CAMK1D: variants seen among roughly 807,000 people sequenced by gnomAD.
The protein encoded by CAMK1D is calcium/calmodulin dependent protein kinase ID.
Under a neutral mutation model 47.7 loss-of-function variants are expected in CAMK1D, and 9 were observed. The observed-to-expected ratio is 0.19, with a 90% CI of 0.11 to 0.33. The LOEUF is 0.33. Among genes scored for constraint, CAMK1D ranks in the 10% least tolerant of loss-of-function variants. CAMK1D has a pLI of 1.00. For missense variants in CAMK1D, 291 were observed against 488.7 expected (o/e 0.60, Z 3.81); for synonymous variants, 184 against 184.9 (o/e 0.99, Z 0.04).
chr10:12,544,590 C>G (rs1263387798), intron 1 of CAMK1D, among the ~76,000 whole-genome samples: 1 of 152,230 alleles, frequency 6.6e-6, no homozygotes, highest in Non-Finnish European at 1.5e-5. Flanking sequence ...AGGAAGGACT[C>G]AAATAATTTT....
intron 6 of CAMK1D, among the ~76,000 whole-genome samples, chr10:12,802,026 C>T (rs1329078590): frequency 6.6e-6 from 1 of 152,196 alleles, no homozygotes; most frequent in Non-Finnish European, 1.5e-5. Flanking sequence ...TATTCTCCTT[C>T]ATGGCCTTTT....
At chr10:12,472,354 C>T (rs917443164) in intron 1 of CAMK1D, among the ~76,000 whole-genome samples, 1 of 152,030 alleles carries the variant, frequency 6.6e-6, no homozygotes, top group Non-Finnish European at 1.5e-5. Context: ...GTGCCTTGAG[C>T]TTCTTTCCTT....
intron 1 of CAMK1D, among the ~76,000 whole-genome samples, chr10:12,444,771 C>T (rs1832881286): frequency 6.6e-6 from 1 of 152,152 alleles, no homozygotes; most frequent in African/African-American, 2.4e-5. Context: ...GATGTGGAAT[C>T]CATAGAAAGT....
chr10:12,720,523 T>C (rs1324223851), intron 3 of CAMK1D, among the ~76,000 whole-genome samples: 1 of 152,228 alleles, frequency 6.6e-6, no homozygotes, highest in East Asian at 1.9e-4. Flanking sequence ...CACTCATTGC[T>C]TAAGGGTAAT....
chr10:12,696,201 T>A (rs1013987106), intron 3 of CAMK1D, among the ~76,000 whole-genome samples: 2 of 152,156 alleles, frequency 1.3e-5, no homozygotes, highest in Non-Finnish European at 1.5e-5. Context: ...TTTTCAATAA[T>A]TGTCCTGGGG....
chr10:12,722,938 G>T (rs114005529), intron 3 of CAMK1D, among the ~76,000 whole-genome samples: 1,526 of 152,282 alleles, frequency 0.01, 28 homozygotes, highest in African/African-American at 0.035. Flanking sequence ...TCTAACGGAG[G>T]TATAATCGGT....
At chr10:12,375,346 C>G (rs1838145679) in intron 1 of CAMK1D, among the ~76,000 whole-genome samples, 1 of 152,224 alleles carries the variant, frequency 6.6e-6, no homozygotes. Flanking sequence ...CGTTCCCCCA[C>G]TATTTTCTTC....
At chr10:12,702,383 C>T (rs1833556861) in intron 3 of CAMK1D, among the ~76,000 whole-genome samples, 1 of 152,216 alleles carries the variant, frequency 6.6e-6, no homozygotes, top group African/African-American at 2.4e-5. Flanking sequence ...TTTTAAGTTT[C>T]AGGCAAACAC....
chr10:12,354,570 G>A (rs1837446552), intron 1 of CAMK1D, among the ~76,000 whole-genome samples: 1 of 69,348 alleles, frequency 1.4e-5, no homozygotes, highest in Non-Finnish European at 4.0e-5. Context: ...CACCACACCC[G>A]GCTAATTTTT....
At chr10:12,770,705 G>T (rs948667308) in intron 5 of CAMK1D, among the ~76,000 whole-genome samples, 1 of 152,102 alleles carries the variant, frequency 6.6e-6, no homozygotes, top group Non-Finnish European at 1.5e-5. Context: ...TCAGGACTGG[G>T]CTGAGAGGAC....
At chr10:12,743,203 C>T (rs773704396) in intron 3 of CAMK1D, among the ~76,000 whole-genome samples, 5 of 151,774 alleles carry the variant, frequency 3.3e-5, no homozygotes, top group African/African-American at 1.2e-4. Flanking sequence ...AAAAATTAGC[C>T]GGGCATGGTG....
At chr10:12,494,620 AG>A (rs5783271) in intron 1 of CAMK1D, among the ~76,000 whole-genome samples, 109,831 of 151,900 alleles carry the variant, frequency 0.72, 40,035 homozygotes, top group East Asian at 0.89. Context: ...GCTGGAGTGC[AG>A]TGGTGTGATC....
chr10:12,424,080 C>T (rs535124704), intron 1 of CAMK1D, among the ~76,000 whole-genome samples: 13 of 152,260 alleles, frequency 8.5e-5, no homozygotes, highest in Middle Eastern at 3.4e-3. Flanking sequence ...ACTTCTCCCT[C>T]GCATGTCCCC....
At chr10:12,665,112 A>T (rs1380312560) in intron 2 of CAMK1D, among the ~76,000 whole-genome samples, 1 of 152,304 alleles carries the variant, frequency 6.6e-6, no homozygotes, top group Non-Finnish European at 1.5e-5. Context: ...GGCTGGTAGT[A>T]TCTTGCTCAG....
At chr10:12,761,638 C>T (rs947924528) in intron 4 of CAMK1D, among the ~76,000 whole-genome samples, 4 of 152,080 alleles carry the variant, frequency 2.6e-5, no homozygotes, top group African/African-American at 9.7e-5. Flanking sequence ...CCTGTAATCC[C>T]AGCACTTTGG....
At chr10:12,456,662 C>G (rs1196558279) in intron 1 of CAMK1D, 1 of 144,472 alleles carries the variant, frequency 6.9e-6, no homozygotes, top group Non-Finnish European at 1.5e-5. Context: ...CCTGTTGTCC[C>G]AGGTTGAGGC....
At chr10:12,455,040 T>C (rs1833200882) in intron 1 of CAMK1D, among the ~76,000 whole-genome samples, 1 of 152,220 alleles carries the variant, frequency 6.6e-6, no homozygotes, top group African/African-American at 2.4e-5. Flanking sequence ...TGCCTTACTG[T>C]GTGCTCTGAG....
At chr10:12,588,268 A>G (rs1837879958) in intron 2 of CAMK1D, among the ~76,000 whole-genome samples, 1 of 152,162 alleles carries the variant, frequency 6.6e-6, no homozygotes, top group Non-Finnish European at 1.5e-5. Context: ...TGGTTTGGCC[A>G]CAGGAAGATG....
intron 1 of CAMK1D, among the ~76,000 whole-genome samples, chr10:12,400,110 G>A (rs1041588733): frequency 1.3e-5 from 2 of 152,170 alleles, no homozygotes; most frequent in African/African-American, 4.8e-5. Flanking sequence ...TGTCATTTGC[G>A]CCTGGATGTT....
Sources: gnomAD v4.1 joint callset for allele counts (sites outside exome capture counted in the v4.1 genomes callset) on GRCh38, gnomAD v4.1.1 for gene constraint, MANE v1.5 for transcripts, NCBI Gene and HGNC (gene_info 2026-07-23, HGNC 2026-07-21) for gene names.